PRDM6: variants seen among roughly 807,000 people sequenced by gnomAD.
PRDM6 encodes the protein putative histone-lysine N-methyltransferase PRDM6.
A neutral mutation model predicts 60.8 loss-of-function variants in PRDM6; 25 were observed. That is an observed-to-expected ratio of 0.41 (90% CI 0.30 to 0.57). PRDM6 has a LOEUF of 0.57. Ranked by LOEUF, PRDM6 falls within the 20% of genes least tolerant of loss-of-function variation. PRDM6 has a pLI of 0.27. For missense variants in PRDM6, 839 were observed against 821.3 expected (o/e 1.02, Z -0.26); for synonymous variants, 407 against 357.4 (o/e 1.14, Z -1.57).
chr5:123,132,210 A>T (rs2150223879), intron 3 of PRDM6, among the ~76,000 whole-genome samples: 1 of 152,294 alleles, frequency 6.6e-6, no homozygotes, highest in East Asian at 1.9e-4. Flanking sequence ...ACTTGAGCCA[A>T]ACTTCTATAT....
At chr5:123,131,418 T>C (rs1039113643) in intron 3 of PRDM6, among the ~76,000 whole-genome samples, 1 of 152,176 alleles carries the variant, frequency 6.6e-6, no homozygotes, top group African/African-American at 2.4e-5. Context: ...TGTTGTATGC[T>C]TACATCAAAA....
chr5:123,186,334 G>A (rs772505571), intron 7 of PRDM6, among the ~76,000 whole-genome samples: 22 of 152,184 alleles, frequency 1.4e-4, no homozygotes, highest in Non-Finnish European at 2.9e-4. Flanking sequence ...AGATAGGGAG[G>A]AACTCAAAGT....
At position 123,159,550 on chromosome 5, in the gene PRDM6, T is replaced by A; in HGVS notation, c.1065T>A (p.Pro355=). The change falls in exon 5 of 8, where the codon CCT becomes CCA. Residue 355 remains proline, a synonymous_variant. Coordinates refer to ENST00000407847, the MANE Select transcript of PRDM6 (RefSeq NM_001136239.4). ...TCTACCGAGCCTGTATAGATATCCC[T>A]AGGGGCACCGAGCTTCTGGTGTGGT... is the stretch of plus-strand genomic sequence containing the variant. ...NIFYRACIDI[P]RGTELLVWYN... is the part of the protein sequence containing the mutation. 6.4e-7 allele frequency: 1 copy of A among 1,551,502 alleles called. No homozygotes were observed. Among genetic ancestry groups the A allele is most frequent in the Non-Finnish European group, 8.7e-7 (1 of 1,146,834 alleles).
At chr5:123,144,649 G>A (rs747169132) in intron 3 of PRDM6, among the ~76,000 whole-genome samples, 3 of 152,178 alleles carry the variant, frequency 2.0e-5, no homozygotes, top group Non-Finnish European at 4.4e-5. Flanking sequence ...TACATGCTAG[G>A]CCTCTCCATT....
intron 3 of PRDM6, among the ~76,000 whole-genome samples, chr5:123,151,789 C>A (rs1390206315): frequency 1.3e-5 from 2 of 152,002 alleles, no homozygotes; most frequent in East Asian, 3.9e-4. Context: ...ACCTTGGGCC[C>A]CTAGAGGTGT....
At position 123,090,402 on chromosome 5, in the gene PRDM6, G is replaced by C; in HGVS notation, c.388G>C (p.Glu130Gln). The stretch of plus-strand genomic sequence containing the variant: ...TCTAGCCGCCGCTGCCGTCGCCGCC[G>C]AGCCGCTGCCCCCCAAGGAACTGTG... ...APLAAAAVAA[E>Q]PLPPKELCLG... The change falls in exon 2 of 8, where the codon GAG becomes CAG. Residue 130 changes from glutamate (E) to glutamine (Q), a missense_variant. Around this residue, in one of 2 missense-constraint regions of PRDM6, gnomAD observed 730 missense variants for 648.8 expected, o/e 1.13. Coordinates refer to ENST00000407847, the MANE Select transcript of PRDM6 (RefSeq NM_001136239.4). The C allele has an allele frequency of 7.5e-6, 11 of 1,459,454 alleles. No homozygotes were observed. The highest frequency in any genetic ancestry group is 9.9e-6 in the Non-Finnish European group (11 of 1,112,294). The allele number at this position is 1,459,454 out of a possible 1,614,324, so 90.4% of individuals were successfully genotyped here. A position where few individuals can be genotyped will look rare whatever the true frequency, so the allele number is the denominator to read the frequency against.
At chr5:123,130,416 A>G (rs1764805796) in intron 3 of PRDM6, among the ~76,000 whole-genome samples, 1 of 147,832 alleles carries the variant, frequency 6.8e-6, no homozygotes, top group South Asian at 2.2e-4. Context: ...TTAGCCCTGA[A>G]AGGTTATCTT....
chr5:123,091,924 A>T (rs1763849130), intron 2 of PRDM6, among the ~76,000 whole-genome samples: 1 of 147,994 alleles, frequency 6.8e-6, no homozygotes, highest in Non-Finnish European at 1.5e-5. Flanking sequence ...AGGATTCCCT[A>T]AGTCGTTGAT....
At chr5:123,158,057 C>T (rs889518400) in intron 4 of PRDM6, among the ~76,000 whole-genome samples, 2 of 152,210 alleles carry the variant, frequency 1.3e-5, no homozygotes, top group South Asian at 2.1e-4. Flanking sequence ...GAATGGTGTA[C>T]GCTTACACAT....
Position 123,104,301 on chromosome 5 carries a change from A to G in PRDM6, c.900+4340A>G, listed in dbSNP as rs149333455. On this transcript the variant is annotated intron_variant, in intron 3 of 7. Coordinates refer to ENST00000407847, the MANE Select transcript of PRDM6 (RefSeq NM_001136239.4). ...AAAATGAATTGATTTCATATTTTAA[A>G]TATATTATGTATGTTTCTATAAATG... Among the ~76,000 whole-genome samples the G allele has an allele frequency of 7.7e-4, 117 of 152,246 alleles. 2 individuals carry two copies. Among genetic ancestry groups the G allele is most frequent in the African/African-American group, 2.7e-3 (114 of 41,582 alleles).
In PRDM6 at chr5:123,099,063, C is replaced by T. The variant is rs1374255049; in HGVS notation, c.593-591C>T. ...GCACCCGCGATAGACTGGCCGTCTC[C>T]CCCACCCCGCCCCGTCTGGTGATTT... On this transcript the variant is annotated intron_variant, in intron 2 of 7. Transcript: ENST00000407847. The surrounding 1 kb of genome is among the most constrained non-coding windows in gnomAD (Gnocchi z 4.0). Among the ~76,000 whole-genome samples, 3 of 152,168 alleles carry T rather than the reference C, an allele frequency of 2.0e-5. No individual in the cohort carries two copies. The East Asian group carries it at 5.8e-4, about 29-fold the overall frequency.
At chr5:123,124,967 T>C (rs2150219862) in intron 3 of PRDM6, among the ~76,000 whole-genome samples, 1 of 152,174 alleles carries the variant, frequency 6.6e-6, no homozygotes, top group African/African-American at 2.4e-5. Context: ...GTGAAAAACT[T>C]TTCCTTTTTC....
chr5:123,111,641 T>C (rs1200147983), intron 3 of PRDM6, among the ~76,000 whole-genome samples: 1 of 151,270 alleles, frequency 6.6e-6, no homozygotes, highest in Non-Finnish European at 1.5e-5. Flanking sequence ...GAGCTTGCAG[T>C]GATCCAAGAT....
At chr5:123,135,690 A>G (rs1394385933) in intron 3 of PRDM6, among the ~76,000 whole-genome samples, 4 of 152,140 alleles carry the variant, frequency 2.6e-5, no homozygotes, top group African/African-American at 7.2e-5. Context: ...AAATAAAACA[A>G]ATGATTTAAG....
Position 123,155,887 on chromosome 5 carries a change from T to C in PRDM6, c.904T>C (p.Tyr302His), listed in dbSNP as rs1260062971. ...VRNTQHLWEIYDQDGTLQHFI... is the reference protein window; with the variant it reads ...VRNTQHLWEIHDQDGTLQHFI... ...GACCTTCTGACCTCTTCTCCAGATA[T>C]ATGACCAGGATGGGACACTACAGCA... Residue 302 changes from tyrosine (Y) to histidine (H), a missense_variant, in exon 4 of 8, where the codon TAT becomes CAT. This residue lies in a region of PRDM6 where 730 missense variants were observed against 648.8 expected (regional missense o/e 1.13). Coordinates refer to ENST00000407847, the MANE Select transcript of PRDM6 (RefSeq NM_001136239.4). The C allele has an allele frequency of 6.4e-7, 1 of 1,550,942 alleles. No individual in the cohort carries two copies. Among genetic ancestry groups the C allele is most frequent in the African/African-American group, 1.4e-5 (1 of 73,134 alleles).
chr5:123,141,183 G>A (rs1425360708), intron 3 of PRDM6, among the ~76,000 whole-genome samples: 1 of 151,846 alleles, frequency 6.6e-6, no homozygotes, highest in Non-Finnish European at 1.5e-5. Flanking sequence ...GGATATGGGA[G>A]TAATATTATT....
chr5:123,186,073 A>T (rs990604511), intron 7 of PRDM6, among the ~76,000 whole-genome samples: 2 of 152,234 alleles, frequency 1.3e-5, no homozygotes, highest in African/African-American at 4.8e-5. Flanking sequence ...GCTGTATTAG[A>T]TGCTGGGCCA....
intron 2 of PRDM6, among the ~76,000 whole-genome samples, chr5:123,090,843 C>G (rs1205362362): frequency 6.6e-6 from 1 of 152,222 alleles, no homozygotes. Flanking sequence ...TTCCCTCTCC[C>G]TCCCTCTCCT....
chr5:123,183,057 C>T (rs1766201542), intron 7 of PRDM6, among the ~76,000 whole-genome samples: 1 of 152,184 alleles, frequency 6.6e-6, no homozygotes, highest in African/African-American at 2.4e-5. Flanking sequence ...CTTTTACAAG[C>T]TTATAAAACA....
Sources: gnomAD v4.1 joint callset for allele counts (sites outside exome capture counted in the v4.1 genomes callset) on GRCh38, gnomAD v4.1.1 for gene constraint, gnomAD v4.1.1 regional missense constraint, Gnocchi (gnomAD v3.1) non-coding constraint, MANE v1.5 for transcripts, NCBI Gene and HGNC (gene_info 2026-07-23, HGNC 2026-07-21) for gene names.